The following NALF1 variants were observed in gnomAD, a reference collection of about 807,000 sequenced individuals.
The protein encoded by NALF1 is family with sequence similarity 155 member A.
Under a neutral mutation model 48.4 loss-of-function variants are expected in NALF1, and 3 were observed. The ratio of observed to expected loss-of-function variants is 0.06; its 90% CI spans 0.03 to 0.16. The LOEUF (loss-of-function observed/expected upper bound fraction) is 0.16, where lower values mean the gene tolerates loss of function less well. Among genes scored for constraint, NALF1 ranks in the 10% least tolerant of loss-of-function variants. NALF1 has a pLI of 1.00. For synonymous variants in NALF1, 262 were observed against 245.7 expected, an observed-to-expected ratio of 1.07 and a Z score of -0.62; for missense variants, 526 against 571.5, an observed-to-expected ratio of 0.92 and a Z score of 0.81.
intron 1 of NALF1, among the ~76,000 whole-genome samples, chr13:107,537,685 G>A (rs1016125840): frequency 6.6e-6 from 1 of 152,098 alleles, no homozygotes; most frequent in African/African-American, 2.4e-5. Context: ...GTGGCACTGA[G>A]TGTGGCAATG....
At chr13:107,374,186 C>G (rs934975740) in intron 1 of NALF1, among the ~76,000 whole-genome samples, 1 of 152,178 alleles carries the variant, frequency 6.6e-6, no homozygotes, top group Non-Finnish European at 1.5e-5. Context: ...TACTTCTCTG[C>G]TGTAGTCAAC....
At chr13:107,561,171 T>G (rs994795313) in intron 1 of NALF1, among the ~76,000 whole-genome samples, 2 of 152,200 alleles carry the variant, frequency 1.3e-5, no homozygotes, top group Non-Finnish European at 2.9e-5. Context: ...AACAGTCACA[T>G]GATATTTTCA....
intron 1 of NALF1, among the ~76,000 whole-genome samples, chr13:107,672,215 T>C (rs981403915): frequency 2.0e-5 from 3 of 152,196 alleles, no homozygotes; most frequent in Admixed American, 1.3e-4. Flanking sequence ...AATCCTTCCA[T>C]AAAGGTGTCA....
At chr13:107,773,845 T>C (rs1407260893) in intron 1 of NALF1, among the ~76,000 whole-genome samples, 4 of 151,898 alleles carry the variant, frequency 2.6e-5, no homozygotes, top group African/African-American at 9.7e-5. Flanking sequence ...AACCTGCACA[T>C]TGCGCACATG....
At chr13:107,565,034 C>A (rs1231356401) in intron 1 of NALF1, among the ~76,000 whole-genome samples, 3 of 25,786 alleles carry the variant, frequency 1.2e-4, no homozygotes, top group Admixed American at 5.5e-4. Flanking sequence ...TGTATAAACA[C>A]AAAGAAGTAG....
chr13:107,182,438 C>A (rs975262095), intron 2 of NALF1, among the ~76,000 whole-genome samples: 1 of 151,994 alleles, frequency 6.6e-6, no homozygotes, highest in African/African-American at 2.4e-5. Context: ...CCACGCCTGG[C>A]TAATTTTGTA....
At chr13:107,233,281 GAGA>G (rs1191479927) in intron 1 of NALF1, among the ~76,000 whole-genome samples, 7 of 152,256 alleles carry the variant, frequency 4.6e-5, no homozygotes, top group Non-Finnish European at 7.3e-5. Flanking sequence ...ACAGGTACAG[GAGA>G]AGGTGAGACA....
At chr13:107,693,416 A>G (rs1428562976) in intron 1 of NALF1, among the ~76,000 whole-genome samples, 1 of 152,108 alleles carries the variant, frequency 6.6e-6, no homozygotes, top group Non-Finnish European at 1.5e-5. Context: ...GCGCATGTAT[A>G]CTTATGTAAC....
At chr13:107,496,090 C>G (rs1248028301) in intron 1 of NALF1, among the ~76,000 whole-genome samples, 2 of 152,040 alleles carry the variant, frequency 1.3e-5, no homozygotes, top group African/African-American at 2.4e-5. Context: ...AATGGGCAAA[C>G]AAGCTAAACT....
intron 1 of NALF1, among the ~76,000 whole-genome samples, chr13:107,815,164 T>C (rs926913768): frequency 3.9e-5 from 6 of 152,098 alleles, no homozygotes; most frequent in African/African-American, 1.4e-4. Context: ...TTTGATTTCA[T>C]CAAAATTAAA....
intron 1 of NALF1, among the ~76,000 whole-genome samples, chr13:107,296,759 A>G (rs1352702426): frequency 6.6e-6 from 1 of 152,124 alleles, no homozygotes. Context: ...GAGAGAGAAA[A>G]TCAACAGGTA....
intron 1 of NALF1, among the ~76,000 whole-genome samples, chr13:107,272,095 A>G (rs1177540835): frequency 6.6e-6 from 1 of 151,796 alleles, no homozygotes; most frequent in Non-Finnish European, 1.5e-5. Flanking sequence ...ATGTCTCAAT[A>G]TCATATTTGT....
intron 1 of NALF1, among the ~76,000 whole-genome samples, chr13:107,630,621 T>A (rs1008407985): frequency 6.6e-6 from 1 of 152,122 alleles, no homozygotes; most frequent in Non-Finnish European, 1.5e-5. Flanking sequence ...TAGGGGAAAA[T>A]ATATTTTTCT....
At position 107,558,256 on chromosome 13, in the gene NALF1, A is replaced by G. The variant is rs569204317; in HGVS notation, c.915+307426T>C. Among the ~76,000 whole-genome samples, 342 of 152,228 alleles carry G rather than the reference A, an allele frequency of 2.2e-3. 2 individuals carry two copies. Among genetic ancestry groups the G allele is most frequent in the Non-Finnish European group, 3.5e-3 (237 of 68,010 alleles). On this transcript the variant is annotated intron_variant, in intron 1 of 2. Transcript: ENST00000375915. ...CTTTTTTTTTAGTGTTTGTGTTACC[A>G]ATTATTTTATTTGACATATTTTCAT...
At chr13:107,599,622 T>C (rs1878867346) in intron 1 of NALF1, among the ~76,000 whole-genome samples, 1 of 152,212 alleles carries the variant, frequency 6.6e-6, no homozygotes. Flanking sequence ...TAACATTTTA[T>C]AACTTATTTT....
At chr13:107,321,097 G>A (rs1219576894) in intron 1 of NALF1, 1 of 152,078 alleles carries the variant, frequency 6.6e-6, no homozygotes, top group Admixed American at 6.6e-5. Context: ...TATAGAAAAA[G>A]TTAAAGTGGG....
chr13:107,723,965 T>C (rs1475799889), intron 1 of NALF1, among the ~76,000 whole-genome samples: 1 of 152,188 alleles, frequency 6.6e-6, no homozygotes, highest in Non-Finnish European at 1.5e-5. Context: ...ATTTCTACAT[T>C]GATAAAGTTA....
At chr13:107,674,405 T>C (rs1566438999) in intron 1 of NALF1, among the ~76,000 whole-genome samples, 1 of 152,230 alleles carries the variant, frequency 6.6e-6, no homozygotes, top group Non-Finnish European at 1.5e-5. Context: ...CCTCGCTGGA[T>C]CACTCACAGG....
intron 1 of NALF1, among the ~76,000 whole-genome samples, chr13:107,675,486 T>C (rs1881095372): frequency 6.6e-6 from 1 of 152,246 alleles, no homozygotes; most frequent in Middle Eastern, 3.2e-3. Context: ...TGTTGCATTA[T>C]AACTTCTTTA....
Sources: gnomAD v4.1 joint callset for allele counts (sites outside exome capture counted in the v4.1 genomes callset) on GRCh38, gnomAD v4.1.1 for gene constraint, MANE v1.5 for transcripts, NCBI Gene and HGNC (gene_info 2026-07-23, HGNC 2026-07-21) for gene names.